The following DLG2 variants were observed in gnomAD, a reference collection of about 807,000 sequenced individuals.
DLG2 encodes the protein discs large MAGUK scaffold protein 2.
In DLG2, 45 loss-of-function variants were observed where a neutral mutation model predicts 132.5. That is an observed-to-expected ratio of 0.34 (90% CI 0.27 to 0.44). The LOEUF (loss-of-function observed/expected upper bound fraction) is 0.44, where lower values mean the gene tolerates loss of function less well. Among genes scored for constraint, DLG2 ranks in the 20% least tolerant of loss-of-function variants. The pLI is 1.00. For synonymous variants in DLG2, 424 were observed against 419.6 expected (o/e 1.01, Z -0.13); for missense variants, 1,045 against 1,196.9 (o/e 0.87, Z 1.87).
At chr11:84,835,181 G>C (rs546264348) in intron 6 of DLG2, among the ~76,000 whole-genome samples, 2 of 151,640 alleles carry the variant, frequency 1.3e-5, no homozygotes, top group Non-Finnish European at 3.0e-5. Flanking sequence ...GCTGTATTTA[G>C]AGCCAGATTT....
At chr11:83,791,994 A>T (rs79068922) in intron 17 of DLG2, among the ~76,000 whole-genome samples, 1,748 of 152,324 alleles carry the variant, frequency 0.011, 34 homozygotes, top group African/African-American at 0.04. Context: ...ATAGATCATA[A>T]CATATATAAT....
chr11:85,412,776 T>C (rs2089461408), intron 3 of DLG2, among the ~76,000 whole-genome samples: 2 of 147,946 alleles, frequency 1.4e-5, no homozygotes, highest in Non-Finnish European at 3.0e-5. Flanking sequence ...TATATATATA[T>C]ATATATATAT....
At chr11:83,726,100 T>G (rs2089949955) in intron 18 of DLG2, among the ~76,000 whole-genome samples, 2 of 152,220 alleles carry the variant, frequency 1.3e-5, no homozygotes, top group Non-Finnish European at 2.9e-5. Context: ...TAAGTGTAAA[T>G]GTTTTATTTT....
intron 6 of DLG2, among the ~76,000 whole-genome samples, chr11:84,920,439 T>C (rs1428379844): frequency 6.6e-6 from 1 of 152,170 alleles, no homozygotes; most frequent in East Asian, 1.9e-4. Context: ...AATTAGCCTG[T>C]GATTTTGTTT....
intron 6 of DLG2, among the ~76,000 whole-genome samples, chr11:84,700,889 T>C (rs1303369437): frequency 6.6e-6 from 1 of 151,652 alleles, no homozygotes; most frequent in Non-Finnish European, 1.5e-5. Flanking sequence ...AGTGAGCCAC[T>C]GAGGGACATC....
At chr11:84,395,789 A>C (rs2098808936) in intron 7 of DLG2, among the ~76,000 whole-genome samples, 1 of 152,240 alleles carries the variant, frequency 6.6e-6, no homozygotes. Flanking sequence ...TGTCAATTTC[A>C]AATAAATAAA....
chr11:85,532,028 G>A (rs1315785300), intron 3 of DLG2, among the ~76,000 whole-genome samples: 1 of 152,032 alleles, frequency 6.6e-6, no homozygotes, highest in Non-Finnish European at 1.5e-5. Context: ...ATTATCCAAG[G>A]AGAGATCCAA....
intron 3 of DLG2, among the ~76,000 whole-genome samples, chr11:85,484,677 GCT>G (rs2093386637): frequency 6.6e-6 from 1 of 151,966 alleles, no homozygotes; most frequent in South Asian, 2.1e-4. Flanking sequence ...AGTTAGAATG[GCT>G]ATCATTAAAA....
chr11:84,619,129 C>T (rs938323164), intron 6 of DLG2, among the ~76,000 whole-genome samples: 3 of 151,698 alleles, frequency 2.0e-5, no homozygotes, highest in African/African-American at 7.3e-5. Flanking sequence ...AAAATATTCA[C>T]CACATTCTAG....
chr11:85,081,420 C>T (rs553774645), intron 6 of DLG2, among the ~76,000 whole-genome samples: 2 of 152,108 alleles, frequency 1.3e-5, no homozygotes, highest in Non-Finnish European at 2.9e-5. Flanking sequence ...TTTACTTTGG[C>T]CTTCTTTTGC....
intron 8 of DLG2, among the ~76,000 whole-genome samples, chr11:84,170,478 C>T (rs532652324): frequency 1.3e-5 from 2 of 152,170 alleles, no homozygotes; most frequent in East Asian, 3.9e-4. Context: ...GATAGGAGTG[C>T]TATGGTAGAT....
At chr11:84,708,332 G>C (rs2059992353) in intron 6 of DLG2, among the ~76,000 whole-genome samples, 1 of 151,824 alleles carries the variant, frequency 6.6e-6, no homozygotes, top group Non-Finnish European at 1.5e-5. Context: ...CCAAGATTGA[G>C]AATACTTTCT....
intron 6 of DLG2, among the ~76,000 whole-genome samples, chr11:84,552,328 T>C (rs1367915395): frequency 6.6e-6 from 1 of 152,172 alleles, no homozygotes; most frequent in African/African-American, 2.4e-5. Context: ...TGCTTCTTCA[T>C]CTTTTCCCAC....
chr11:83,511,213 A>C (rs748214089), intron 21 of DLG2, among the ~76,000 whole-genome samples: 4 of 151,886 alleles, frequency 2.6e-5, no homozygotes, highest in Non-Finnish European at 5.9e-5. Flanking sequence ...CTGTAAACCA[A>C]TTGTCACTTT....
rs774693328 is a variant in DLG2, at chr11:84,534,707, C to T, written c.382G>A (p.Ala128Thr). Residue 128 changes from alanine (A) to threonine (T), a missense_variant, in exon 7 of 28, where the codon GCT becomes ACT. Physicochemically the swap from Ala to Thr is moderately conservative, Grantham distance 58 (BLOSUM62 0). Transcript: ENST00000376104. ...CGAGGTAAGGAATGATCATGTGGAG[C>T]GTCCTCATCTTGATATCGATACTTC... is the stretch of plus-strand genomic sequence containing the variant. ...CTKYRYQDED[A>T]PHDHSLPRLT... 50 of 1,613,708 alleles carry T rather than the reference C, an allele frequency of 3.1e-5. No individual in the cohort carries two copies. Among genetic ancestry groups the T allele is most frequent in the Middle Eastern group, 1.6e-4 (1 of 6,084 alleles).
chr11:84,755,931 AATTTTAACTAGATATGTAAAAATG>A (rs2153837344), intron 6 of DLG2, among the ~76,000 whole-genome samples: 1 of 152,340 alleles, frequency 6.6e-6, no homozygotes, highest in East Asian at 1.9e-4. Context: ...TAAAAAAATT[AATTTTAACTAGATATGTAAAAATG>A]ATTCTAATAG....
rs142094644 is a variant in DLG2 at position 85,218,804 on chromosome 11, C to T, written c.187-64153G>A. ...TGCACTATTTACAATAGCAAAAATA[C>T]GAAATCAACCCAGGTGCCCATCCAT... On this transcript the variant is annotated intron_variant, in intron 4 of 27. Transcript: ENST00000376104. Among the ~76,000 whole-genome samples, 753 of 152,098 alleles carry T rather than the reference C, an allele frequency of 5.0e-3. 6 individuals are homozygous for T. Among genetic ancestry groups the T allele is most frequent in the African/African-American group, 0.016 (655 of 41,490 alleles).
At chr11:84,306,224 A>G (rs538588012) in intron 7 of DLG2, among the ~76,000 whole-genome samples, 1 of 152,328 alleles carries the variant, frequency 6.6e-6, no homozygotes, top group African/African-American at 2.4e-5. Context: ...CAATGTATAC[A>G]TGCATTGAAA....
intron 6 of DLG2, among the ~76,000 whole-genome samples, chr11:84,834,292 C>G (rs1237983239): frequency 6.6e-6 from 1 of 151,574 alleles, no homozygotes; most frequent in Non-Finnish European, 1.5e-5. Flanking sequence ...AAACTACCCA[C>G]AATACCTCAC....
Sources: allele counts gnomAD v4.1 joint callset (sites outside exome capture counted in the v4.1 genomes callset), GRCh38; gene constraint gnomAD v4.1.1; transcripts MANE v1.5; gene names NCBI Gene and HGNC (gene_info 2026-07-23, HGNC 2026-07-21).